The following RBMS3 variants were observed in gnomAD, a reference collection of about 807,000 sequenced individuals.
RBMS3 encodes the protein RNA-binding motif, single-stranded-interacting protein 3.
In RBMS3, 27 loss-of-function variants were observed where a neutral mutation model predicts 66.8. That is an observed-to-expected ratio of 0.40 (90% CI 0.30 to 0.56). The LOEUF (loss-of-function observed/expected upper bound fraction) is 0.56, where lower values mean the gene tolerates loss of function less well. Ranked by LOEUF, RBMS3 falls within the 20% of genes least tolerant of loss-of-function variation. The pLI is 0.40. For synonymous variants in RBMS3, 188 were observed against 183.0 expected (o/e 1.03, Z -0.22); for missense variants, 513 against 549.5 (o/e 0.93, Z 0.66).
intron 1 of RBMS3, among the ~76,000 whole-genome samples, chr3:29,298,848 G>A (rs2033471557): frequency 1.3e-5 from 2 of 151,858 alleles, no homozygotes; most frequent in African/African-American, 4.8e-5. Context: ...TTGGTACTTG[G>A]AATATTAGAA....
intron 1 of RBMS3, among the ~76,000 whole-genome samples, chr3:29,419,459 A>G (rs533320963): frequency 1.2e-4 from 19 of 152,174 alleles, no homozygotes; most frequent in Non-Finnish European, 2.1e-4. Context: ...ATTACCTGAG[A>G]ATTAGAAATC....
At chr3:29,287,372 T>A (rs1033576658) in intron 1 of RBMS3, among the ~76,000 whole-genome samples, 13 of 151,770 alleles carry the variant, frequency 8.6e-5, no homozygotes, top group South Asian at 4.2e-4. Flanking sequence ...AAATTATAAA[T>A]TTTTTTTTAC....
chr3:29,677,475 T>C (rs76484298), intron 4 of RBMS3, among the ~76,000 whole-genome samples: 4 of 151,646 alleles, frequency 2.6e-5, no homozygotes, highest in Non-Finnish European at 4.4e-5. Context: ...TCTTCATTAA[T>C]TTTTTTTTAG....
At chr3:29,818,008 T>TTA (rs2057963254) in intron 6 of RBMS3, among the ~76,000 whole-genome samples, 1 of 152,170 alleles carries the variant, frequency 6.6e-6, no homozygotes, top group Admixed American at 6.5e-5. Flanking sequence ...CAAATTGTCC[T>TTA]TAACACTATG....
chr3:29,663,713 T>C (rs993436153), intron 4 of RBMS3, among the ~76,000 whole-genome samples: 1 of 152,202 alleles, frequency 6.6e-6, no homozygotes, highest in Non-Finnish European at 1.5e-5. Flanking sequence ...GGGAGGCTCC[T>C]CGCAATCTAC....
intron 6 of RBMS3, among the ~76,000 whole-genome samples, chr3:29,843,314 ACT>A (rs1290697958): frequency 6.6e-6 from 1 of 152,154 alleles, no homozygotes; most frequent in Non-Finnish European, 1.5e-5. Flanking sequence ...ATAGAACTTA[ACT>A]CTGTTTACTG....
chr3:29,301,463 C>T (rs528058162), intron 1 of RBMS3, among the ~76,000 whole-genome samples: 1 of 151,984 alleles, frequency 6.6e-6, no homozygotes, highest in Admixed American at 6.6e-5. Flanking sequence ...CCCCTCTTAA[C>T]GTCTAAAATG....
intron 1 of RBMS3, among the ~76,000 whole-genome samples, chr3:29,384,736 G>A (rs2125631006): frequency 6.6e-6 from 1 of 152,162 alleles, no homozygotes; most frequent in East Asian, 1.9e-4. Context: ...GTTTAGAGTG[G>A]TAAAGCCAAT....
At chr3:29,781,961 C>A (rs1355655470) in intron 6 of RBMS3, among the ~76,000 whole-genome samples, 1 of 152,014 alleles carries the variant, frequency 6.6e-6, no homozygotes, top group Non-Finnish European at 1.5e-5. Context: ...ATATCCTCAT[C>A]CCCCACAGCA....
At chr3:29,916,077 T>C (rs1292723750) in intron 10 of RBMS3, among the ~76,000 whole-genome samples, 1 of 152,036 alleles carries the variant, frequency 6.6e-6, no homozygotes, top group Non-Finnish European at 1.5e-5. Flanking sequence ...AGGCATATGA[T>C]GAGAAATGTT....
chr3:29,713,859 A>G (rs2053275139), intron 4 of RBMS3, among the ~76,000 whole-genome samples: 1 of 152,134 alleles, frequency 6.6e-6, no homozygotes, highest in Admixed American at 6.5e-5. Context: ...GTTCAAGACC[A>G]GCCTGGGCAA....
chr3:29,952,843 C>A lies in RBMS3; in HGVS notation c.1098+8589C>A, dbSNP rs141374991. Among the ~76,000 whole-genome samples the A allele has an allele frequency of 1.6e-3, 247 of 151,754 alleles. 1 individual carries two copies. The highest frequency in any genetic ancestry group is 5.6e-3 in the African/African-American group (233 of 41,440). On this transcript the variant is annotated intron_variant, in intron 12 of 14. Transcript: ENST00000383767. Reference sequence around the variant, plus strand: ...GCAGTTTGCCCAAGAGACTCAGATACGGGAATGCACAGGACTCCAGATCCA... The same window carrying A: ...GCAGTTTGCCCAAGAGACTCAGATAAGGGAATGCACAGGACTCCAGATCCA...
intron 6 of RBMS3, among the ~76,000 whole-genome samples, chr3:29,863,648 G>A (rs1413039964): frequency 6.6e-6 from 1 of 152,024 alleles, no homozygotes; most frequent in East Asian, 1.9e-4. Flanking sequence ...TGAAGACAGT[G>A]CACAAAGAGA....
At chr3:29,425,886 G>A (rs567156027) in intron 1 of RBMS3, among the ~76,000 whole-genome samples, 3 of 152,226 alleles carry the variant, frequency 2.0e-5, no homozygotes, top group South Asian at 4.2e-4. Context: ...CTAGCTCATC[G>A]TGAAAGCAGG....
intron 1 of RBMS3, among the ~76,000 whole-genome samples, chr3:29,392,921 A>G (rs546329521): frequency 1.3e-5 from 2 of 152,156 alleles, no homozygotes; most frequent in African/African-American, 4.8e-5. Flanking sequence ...AAACAAGAAA[A>G]AAAGGAAGAC....
intron 3 of RBMS3, among the ~76,000 whole-genome samples, chr3:29,553,174 T>C (rs35890): frequency 0.54 from 82,494 of 151,592 alleles, 23,174 homozygotes; most frequent in African/African-American, 0.67. Flanking sequence ...ATGTGTATGT[T>C]AGAAACATTT....
At chr3:29,427,436 C>T (rs1160686135) in intron 1 of RBMS3, among the ~76,000 whole-genome samples, 2 of 152,184 alleles carry the variant, frequency 1.3e-5, no homozygotes, top group South Asian at 2.1e-4. Flanking sequence ...CAGTTCTTAT[C>T]GTGTCCACTC....
At chr3:29,833,886 C>G (rs1382390779) in intron 6 of RBMS3, among the ~76,000 whole-genome samples, 1 of 151,896 alleles carries the variant, frequency 6.6e-6, no homozygotes, top group South Asian at 2.1e-4. Flanking sequence ...ACATTAAAAT[C>G]AAATTGTCAA....
At chr3:29,878,960 A>T (rs2059673766) in intron 7 of RBMS3, among the ~76,000 whole-genome samples, 1 of 152,104 alleles carries the variant, frequency 6.6e-6, no homozygotes, top group South Asian at 2.1e-4. Flanking sequence ...AGGCAGGAGG[A>T]TTGCTAGAGC....
Sources: allele counts gnomAD v4.1 joint callset (sites outside exome capture counted in the v4.1 genomes callset), GRCh38; gene constraint gnomAD v4.1.1; transcripts MANE v1.5; gene names NCBI Gene and HGNC (gene_info 2026-07-23, HGNC 2026-07-21).